The following FAF1 variants were observed in gnomAD, a reference collection of about 807,000 sequenced individuals.
The protein encoded by FAF1 is Fas associated factor 1.
In FAF1, 25 loss-of-function variants were observed where a neutral mutation model predicts 92.5. The observed-to-expected ratio is 0.27, with a 90% CI of 0.20 to 0.38. FAF1 has a LOEUF of 0.38. FAF1 is among the 10% of genes least tolerant of loss of function. The pLI, the probability that FAF1 is intolerant of heterozygous loss-of-function variation, is 1.00. For missense variants in FAF1, 636 were observed against 793.3 expected, an observed-to-expected ratio of 0.80 and a Z score of 2.38; for synonymous variants, 234 against 273.2, an observed-to-expected ratio of 0.86 and a Z score of 1.42.
At chr1:50,864,952 G>C (rs1028837593) in intron 1 of FAF1, among the ~76,000 whole-genome samples, 3 of 151,596 alleles carry the variant, frequency 2.0e-5, no homozygotes, top group Admixed American at 2.0e-4. Context: ...CTGACAAAGG[G>C]CTAATATCCA....
intron 4 of FAF1, among the ~76,000 whole-genome samples, chr1:50,762,794 C>G (rs950430351): frequency 1.3e-5 from 2 of 151,942 alleles, no homozygotes; most frequent in Admixed American, 6.6e-5. Flanking sequence ...GACTTCATGT[C>G]TAAAACACCA....
intron 1 of FAF1, among the ~76,000 whole-genome samples, chr1:50,886,398 C>A (rs1644664570): frequency 1.3e-5 from 2 of 152,114 alleles, no homozygotes; most frequent in African/African-American, 2.4e-5. Context: ...AATTACTATA[C>A]TTTAAGTTCT....
chr1:50,796,698 C>A (rs746119868), intron 3 of FAF1, among the ~76,000 whole-genome samples: 1 of 152,158 alleles, frequency 6.6e-6, no homozygotes, highest in Non-Finnish European at 1.5e-5. Flanking sequence ...GCAGAAGGAA[C>A]CACCCATACC....
intron 2 of FAF1, among the ~76,000 whole-genome samples, chr1:50,807,834 T>G (rs1345608009): frequency 1.3e-5 from 2 of 152,156 alleles, no homozygotes; most frequent in African/African-American, 4.8e-5. Flanking sequence ...ATGGAAAACA[T>G]GTTTTAGAGT....
intron 1 of FAF1, among the ~76,000 whole-genome samples, chr1:50,921,115 A>T (rs1455877620): frequency 6.6e-6 from 1 of 152,214 alleles, no homozygotes; most frequent in Non-Finnish European, 1.5e-5. Context: ...TCCCCCAAAA[A>T]ATCAAACATA....
chr1:50,960,206 G>T lies in FAF1; in HGVS notation c.-395C>A. On this transcript the variant is annotated 5_prime_UTR_variant, in exon 1 of 19. Coordinates refer to ENST00000396153, the MANE Select transcript of FAF1 (RefSeq NM_007051.3). ...AAACCGAGCGAGCGAGCGGGCGGGC[G>T]AACGCCGCGGCCGCCTCCGCCTCCT... 6.2e-6 allele frequency: 2 copies of T among 324,206 alleles called. No individual in the cohort carries two copies. The highest frequency in any genetic ancestry group is 1.5e-4 in the South Asian group (1 of 6,888). The allele number at this position is 324,206 out of a possible 1,614,324, so 20.1% of individuals were successfully genotyped here.
chr1:50,786,169 G>C (rs1293780899), intron 4 of FAF1, among the ~76,000 whole-genome samples: 1 of 151,536 alleles, frequency 6.6e-6, no homozygotes, highest in East Asian at 1.9e-4. Flanking sequence ...GTTCATTGCA[G>C]CGTTATTCAC....
intron 1 of FAF1, among the ~76,000 whole-genome samples, chr1:50,917,689 G>GAAAGGAAAGGAAAGGA (rs1644930566): frequency 7.6e-6 from 1 of 132,018 alleles, no homozygotes; most frequent in African/African-American, 2.7e-5. Flanking sequence ...GAAAGGAAAG[G>GAAAGGAAAGGAAAGGA]AAAGGAAAGG....
intron 4 of FAF1, among the ~76,000 whole-genome samples, chr1:50,748,482 ACT>A (rs1238374476): frequency 8.2e-6 from 1 of 121,596 alleles, no homozygotes; most frequent in Non-Finnish European, 1.7e-5. Context: ...CAAGAGTGAA[ACT>A]CTGTCTCAAA....
intron 7 of FAF1, among the ~76,000 whole-genome samples, chr1:50,657,415 G>T (rs371177591): frequency 2.7e-5 from 4 of 150,688 alleles, no homozygotes; most frequent in African/African-American, 9.8e-5. Context: ...TAAGACTTGA[G>T]GCCAGGCATG....
At position 50,827,528 on chromosome 1, in the gene FAF1, G is replaced by C. The variant is rs938270205; in HGVS notation, c.115-25851C>G. On this transcript the variant is annotated intron_variant, in intron 2 of 18. Transcript: ENST00000396153. ...GGGACCTCTGCCTAGGAAAACCAGA[G>C]ACCTTTGTTCACGTGTTTATCTGCT... Among the ~76,000 whole-genome samples the C allele has an allele frequency of 7.9e-5, 12 of 152,176 alleles. 1 individual carries two copies. The highest frequency in any genetic ancestry group is 4.2e-4 in the South Asian group (2 of 4,806).
chr1:50,749,039 T>C (rs907903159), intron 4 of FAF1, among the ~76,000 whole-genome samples: 2 of 152,206 alleles, frequency 1.3e-5, no homozygotes, highest in African/African-American at 2.4e-5. Context: ...TTCAACACTA[T>C]AGTTGTGGAA....
At chr1:50,743,021 C>A (rs1057122918) in intron 5 of FAF1, among the ~76,000 whole-genome samples, 23 of 152,132 alleles carry the variant, frequency 1.5e-4, no homozygotes, top group African/African-American at 5.6e-4. Context: ...TAATTATGCT[C>A]GATGTTTCAC....
intron 6 of FAF1, among the ~76,000 whole-genome samples, chr1:50,726,465 G>C (rs994215555): frequency 2.0e-5 from 3 of 152,148 alleles, no homozygotes; most frequent in African/African-American, 7.2e-5. Flanking sequence ...GGGTGGCCGA[G>C]GCGGACAGAT....
In FAF1 at chr1:50,727,392, A is replaced by G. The variant is rs191588432; in HGVS notation, c.551+11471T>C. On this transcript the variant is annotated intron_variant, in intron 6 of 18. Coordinates refer to ENST00000396153, the MANE Select transcript of FAF1 (RefSeq NM_007051.3). ...TTAACACATTGTAGGATGATACTCA[A>G]TATATATCTGGTCAATCAAAAGAAA... is the stretch of plus-strand genomic sequence containing the variant. 1.2e-3 allele frequency among the ~76,000 whole-genome samples: 184 copies of G among 152,302 alleles called. 1 individual carries two copies. Among genetic ancestry groups the G allele is most frequent in the Middle Eastern group, 6.8e-3 (2 of 294 alleles).
Position 50,583,723 on chromosome 1 carries a change from A to T in FAF1, c.968-8T>A. 6.4e-7 allele frequency: 1 copy of T among 1,568,932 alleles called. No homozygotes were observed. Among genetic ancestry groups the T allele is most frequent in the South Asian group, 1.2e-5 (1 of 81,764 alleles). On this transcript the variant is annotated splice_polypyrimidine_tract_variant and splice_region_variant and intron_variant, in intron 10 of 18. Coordinates refer to ENST00000396153, the MANE Select transcript of FAF1 (RefSeq NM_007051.3). This position sits in a 1 kb window ranked among gnomAD's most constrained non-coding sequence, Gnocchi z 4.2. ...TTTCTGCGTTTTCTGGCACTAAAAA[A>T]CAAACAAAAGAAAAAACAAAAACAA...
At chr1:50,609,580 C>T (rs1343567522) in intron 8 of FAF1, among the ~76,000 whole-genome samples, 1 of 152,044 alleles carries the variant, frequency 6.6e-6, no homozygotes, top group African/African-American at 2.4e-5. Flanking sequence ...TAGAGTCTTG[C>T]TATGTTGCCC....
chr1:50,656,656 G>A (rs887800407), intron 7 of FAF1, among the ~76,000 whole-genome samples: 4 of 152,100 alleles, frequency 2.6e-5, no homozygotes, highest in Non-Finnish European at 4.4e-5. Flanking sequence ...GCCGAGGTGG[G>A]CAGATCACTT....
chr1:50,492,386 C>T (rs915262205), intron 15 of FAF1, among the ~76,000 whole-genome samples: 1 of 152,122 alleles, frequency 6.6e-6, no homozygotes, highest in Non-Finnish European at 1.5e-5. Context: ...TAGTATTTCC[C>T]CATTACATTC....
Sources: gnomAD v4.1 joint callset for allele counts (sites outside exome capture counted in the v4.1 genomes callset) on GRCh38, gnomAD v4.1.1 for gene constraint, Gnocchi (gnomAD v3.1) non-coding constraint, MANE v1.5 for transcripts, NCBI Gene and HGNC (gene_info 2026-07-23, HGNC 2026-07-21) for gene names.